The following ABHD6 variants were observed in gnomAD, a reference collection of about 807,000 sequenced individuals.
The protein encoded by ABHD6 is abhydrolase domain containing 6, acylglycerol lipase.
In ABHD6, 33 loss-of-function variants were observed where a neutral mutation model predicts 38.8. The ratio of observed to expected loss-of-function variants is 0.85; its 90% CI spans 0.64 to 1.14. The LOEUF is 1.14. Ranked by LOEUF, ABHD6 falls within the 50% of genes most tolerant of loss-of-function variation. The pLI, the probability that ABHD6 is intolerant of heterozygous loss-of-function variation, is 0.00. For missense variants in ABHD6, 380 were observed against 422.6 expected, an observed-to-expected ratio of 0.90 and a Z score of 0.88; for synonymous variants, 147 against 161.6, an observed-to-expected ratio of 0.91 and a Z score of 0.69.
chr3:58,290,721 C>T (rs28587017), intron 9 of ABHD6, among the ~76,000 whole-genome samples: 12 of 150,616 alleles, frequency 8.0e-5, no homozygotes, highest in South Asian at 2.1e-4. Context: ...CGGGCAGAGG[C>T]GCTCCTCACA....
intron 3 of ABHD6, chr3:58,258,679 C>G: frequency 5.6e-6 from 1 of 177,394 alleles, no homozygotes; most frequent in Non-Finnish European, 1.2e-5. Context: ...CACTTCTGTA[C>G]GTAGAAGAGT....
intron 1 of ABHD6, among the ~76,000 whole-genome samples, chr3:58,249,591 T>C (rs2097428639): frequency 6.6e-6 from 1 of 152,218 alleles, no homozygotes; most frequent in African/African-American, 2.4e-5. Flanking sequence ...CGTTCCATGC[T>C]TGACTACTTA....
intron 7 of ABHD6, among the ~76,000 whole-genome samples, chr3:58,283,526 G>C (rs1332494519): frequency 6.6e-6 from 1 of 152,216 alleles, no homozygotes; most frequent in Non-Finnish European, 1.5e-5. Context: ...TGGATGGATT[G>C]ATGGATGAGA....
chr3:58,259,392 A>G lies in ABHD6; in HGVS notation c.119+2687A>G, dbSNP rs924372304. ...AAAAGTCACCATTTTAAAGTGTACAATTCAAGGCTGGGCACGATGGCTCAC... is the reference window on the plus strand; with the variant it reads ...AAAAGTCACCATTTTAAAGTGTACAGTTCAAGGCTGGGCACGATGGCTCAC... On this transcript the variant is annotated intron_variant, in intron 3 of 9. Transcript: ENST00000478253. This position sits in a 1 kb window ranked among gnomAD's most constrained non-coding sequence, Gnocchi z 4.7. 8.5e-5 allele frequency among the ~76,000 whole-genome samples: 13 copies of G among 152,206 alleles called. No individual in the cohort carries two copies. The highest frequency in any genetic ancestry group is 3.1e-4 in the African/African-American group (13 of 41,454).
chr3:58,255,462 C>CT (rs373989173), intron 2 of ABHD6, among the ~76,000 whole-genome samples: 50,045 of 129,698 alleles, frequency 0.39, 10,077 homozygotes, highest in African/African-American at 0.48. Flanking sequence ...AAAAGTCTGT[C>CT]TTTTTTTTTT....
In ABHD6 at chr3:58,270,961, AC is replaced by A; in HGVS notation, c.422del (p.Pro141LeufsTer5). On this transcript the variant is annotated frameshift_variant, in exon 6 of 10. Transcript: ENST00000478253. LOFTEE classifies it high-confidence loss of function. Reference sequence around the variant, plus strand: ...TAGAATGCCTGAAGCTGAACAAAAAACCTTTCCACCTGGTAGGCACCTCCAT... The same window carrying A: ...TAGAATGCCTGAAGCTGAACAAAAAACTTTCCACCTGGTAGGCACCTCCAT... ...FVECLKLNKK[P>X]FHLVGTSMGG... is the part of the protein sequence containing the mutation. 6.2e-7 allele frequency: 1 copy of A among 1,609,920 alleles called. No individual in the cohort carries two copies. Among genetic ancestry groups the A allele is most frequent in the South Asian group, 1.1e-5 (1 of 90,502 alleles).
intron 1 of ABHD6, among the ~76,000 whole-genome samples, chr3:58,247,721 C>A (rs2097427396): frequency 6.6e-6 from 1 of 151,850 alleles, no homozygotes; most frequent in Non-Finnish European, 1.5e-5. Flanking sequence ...ACTACAGGCG[C>A]ACACCACCAC....
At chr3:58,289,435 T>G (rs2097459888) in intron 9 of ABHD6, among the ~76,000 whole-genome samples, 1 of 149,730 alleles carries the variant, frequency 6.7e-6, no homozygotes, top group South Asian at 2.2e-4. Context: ...TGGTGATGAC[T>G]CTTAACGAGC....
chr3:58,279,170 C>G (rs893585414), intron 7 of ABHD6, among the ~76,000 whole-genome samples: 1 of 152,146 alleles, frequency 6.6e-6, no homozygotes, highest in African/African-American at 2.4e-5. Flanking sequence ...AACCTTCTGT[C>G]TCATTGATCT....
rs2097446583 is a variant in ABHD6, at chr3:58,273,660, T to C, written c.524-998T>C. On this transcript the variant is annotated intron_variant, in intron 6 of 9. Transcript: ENST00000478253. This position sits in a 1 kb window ranked among gnomAD's most constrained non-coding sequence, Gnocchi z 4.8. ...AACACCGCATGTTCTCACTCATAAG[T>C]GCGAGTTGAACAGTGAGAAGACATG... Among the ~76,000 whole-genome samples, 1 of 152,096 alleles carries C rather than the reference T, an allele frequency of 6.6e-6. No homozygotes were observed. Among genetic ancestry groups the C allele is most frequent in the African/African-American group, 2.4e-5 (1 of 41,472 alleles).
At chr3:58,271,093 G>T (rs767560712) in intron 6 of ABHD6, 29 bp downstream of exon 6, 4 of 1,565,656 alleles carry the variant, frequency 2.6e-6, no homozygotes, top group Non-Finnish European at 3.4e-6. Context: ...ACATCCCTCG[G>T]CAGGGATGAA....
At chr3:58,260,287 G>A (rs923640281) in intron 3 of ABHD6, among the ~76,000 whole-genome samples, 2 of 152,200 alleles carry the variant, frequency 1.3e-5, no homozygotes, top group Non-Finnish European at 2.9e-5. Flanking sequence ...GCTCAGTGCC[G>A]TGGCTGAAAG....
intron 1 of ABHD6, among the ~76,000 whole-genome samples, chr3:58,248,409 A>G (rs1485904530): frequency 6.6e-6 from 1 of 152,168 alleles, no homozygotes; most frequent in African/African-American, 2.4e-5. Flanking sequence ...CTAGAAGAAA[A>G]GATCATAGCC....
chr3:58,281,691 C>G (rs909893033), intron 7 of ABHD6, among the ~76,000 whole-genome samples: 6 of 152,214 alleles, frequency 3.9e-5, no homozygotes, highest in African/African-American at 9.7e-5. Context: ...ACGCTGGATG[C>G]CGCAGACCGG....
In ABHD6 at chr3:58,257,867, C is replaced by A. The variant is rs34532954; in HGVS notation, c.119+1162C>A. On this transcript the variant is annotated intron_variant, in intron 3 of 9. Coordinates refer to ENST00000478253, the MANE Select transcript of ABHD6 (RefSeq NM_001320126.2). This position sits in a 1 kb window ranked among gnomAD's most constrained non-coding sequence, Gnocchi z 4.8. ...TCATTCTTGTACCACTGTTATTATT[C>A]TTGTCCTATCTGGATACCACCTGTC... Among the ~76,000 whole-genome samples the A allele has an allele frequency of 0.41, 62,659 of 151,962 alleles. 13,750 individuals carry two copies. The highest frequency in any genetic ancestry group is 0.56 in the African/African-American group (23,338 of 41,420).
intron 9 of ABHD6, among the ~76,000 whole-genome samples, chr3:58,286,850 G>GTATATATATATA (rs1221165191): frequency 0.017 from 1,222 of 72,754 alleles, 107 homozygotes; most frequent in African/African-American, 0.047. Flanking sequence ...GTGTGTGTGT[G>GTATATATATATA]TGTATATATA....
chr3:58,252,229 GTTTTTTTTTT>G (rs10671892), intron 2 of ABHD6, among the ~76,000 whole-genome samples: 11 of 80,958 alleles, frequency 1.4e-4, no homozygotes, highest in East Asian at 8.3e-4. Flanking sequence ...TTGACTGCTT[GTTTTTTTTTT>G]TTTTTTTTTT....
intron 1 of ABHD6, among the ~76,000 whole-genome samples, chr3:58,245,501 G>T (rs776164706): frequency 4.0e-5 from 6 of 151,866 alleles, no homozygotes; most frequent in Non-Finnish European, 8.8e-5. Context: ...ACCCCAGGCT[G>T]AGCACAGTGG....
intron 1 of ABHD6, among the ~76,000 whole-genome samples, chr3:58,242,602 G>A (rs527534786): frequency 2.4e-4 from 37 of 152,334 alleles, no homozygotes; most frequent in South Asian, 2.1e-3. Context: ...CATTGACCAA[G>A]TGTCTGCCAA....
Sources: allele counts gnomAD v4.1 joint callset (sites outside exome capture counted in the v4.1 genomes callset), GRCh38; gene constraint gnomAD v4.1.1; non-coding constraint Gnocchi (gnomAD v3.1); transcripts MANE v1.5; gene names NCBI Gene and HGNC (gene_info 2026-07-23, HGNC 2026-07-21).